The following MEP1A variants were observed in gnomAD, a reference collection of about 807,000 sequenced individuals.
The protein encoded by MEP1A is N-benzoyl-L-tyrosyl-P-amino-benzoic acid hydrolase subunit alpha.
Under a neutral mutation model 84.5 loss-of-function variants are expected in MEP1A, and 68 were observed. The ratio of observed to expected loss-of-function variants is 0.80; its 90% CI spans 0.66 to 0.98. The LOEUF (loss-of-function observed/expected upper bound fraction) is 0.98, where lower values mean the gene tolerates loss of function less well. MEP1A is among the 50% of genes least tolerant of loss of function. The pLI is 0.00. For synonymous variants in MEP1A, 337 were observed against 336.8 expected (o/e 1.00, Z -0.01); for missense variants, 887 against 919.9 (o/e 0.96, Z 0.46).
downstream of MEP1A, among the ~76,000 whole-genome samples, chr6:46,840,479 G>A (rs552006801): frequency 1.3e-5 from 2 of 152,138 alleles, no homozygotes; most frequent in Non-Finnish European, 2.9e-5. Flanking sequence ...TGCTGCTACT[G>A]CTACTGACTC....
At chr6:46,802,018 GA>G (rs1767206790) in intron 5 of MEP1A, among the ~76,000 whole-genome samples, 1 of 151,910 alleles carries the variant, frequency 6.6e-6, no homozygotes, top group Non-Finnish European at 1.5e-5. Context: ...AGTTAACCTT[GA>G]ATTGAGTGTT....
At chr6:46,802,755 G>A (rs1359957391) in intron 5 of MEP1A, among the ~76,000 whole-genome samples, 2 of 151,776 alleles carry the variant, frequency 1.3e-5, no homozygotes, top group Non-Finnish European at 3.0e-5. Context: ...AGTTGTTACA[G>A]TGTATCAAAT....
At position 46,834,228 on chromosome 6, in the gene MEP1A, T is replaced by A. The variant is rs77210031; in HGVS notation, c.1610-350T>A. Among the ~76,000 whole-genome samples, 8 of 139,044 alleles carry A rather than the reference T, an allele frequency of 5.8e-5. No homozygotes were observed. The South Asian group carries it at 6.4e-4, about 11-fold the overall frequency. The allele number at this position is 139,044 out of a possible 152,430, so 91.2% of individuals were successfully genotyped here. The stretch of plus-strand genomic sequence containing the variant: ...GTGAGCCACCACGCCTGGCACTAAT[T>A]TTTTTTTTTTTCAAAAGAGAAGACT... On this transcript the variant is annotated intron_variant, in intron 11 of 13. Coordinates refer to ENST00000230588, the MANE Select transcript of MEP1A (RefSeq NM_005588.3).
At chr6:46,830,513 G>A (rs1378821409) in intron 10 of MEP1A, among the ~76,000 whole-genome samples, 7 of 152,108 alleles carry the variant, frequency 4.6e-5, no homozygotes, top group Non-Finnish European at 1.0e-4. Context: ...AAGAAAGCCT[G>A]TCTCCCTTTT....
rs1767716741 is a variant in MEP1A at position 46,819,489 on chromosome 6, A to C, written c.381-40A>C. 2.6e-6 allele frequency: 4 copies of C among 1,540,028 alleles called. No homozygotes were observed. The East Asian group carries it at 9.1e-5, about 35-fold the overall frequency. On this transcript the variant is annotated intron_variant, in intron 6 of 13. Coordinates refer to ENST00000230588, the MANE Select transcript of MEP1A (RefSeq NM_005588.3). ...GTACTGTGAATGACAGCCACTTAAA[A>C]ATTCTCTAGAAGAAATTTTTCCTCT...
downstream of MEP1A, among the ~76,000 whole-genome samples, chr6:46,840,485 G>T (rs1191692830): frequency 6.6e-6 from 1 of 152,146 alleles, no homozygotes; most frequent in Non-Finnish European, 1.5e-5. Context: ...TACTGCTACT[G>T]ACTCCCCCAC....
At chr6:46,793,754 A>G (rs534925437) in intron 3 of MEP1A, 38 bp downstream of exon 3, 1 of 1,461,034 alleles carries the variant, frequency 6.8e-7, no homozygotes, top group African/African-American at 1.4e-5. Flanking sequence ...TCTTGAAATT[A>G]CTTGAAACCC....
intron 5 of MEP1A, among the ~76,000 whole-genome samples, chr6:46,809,033 A>G (rs1767427968): frequency 6.6e-6 from 1 of 151,992 alleles, no homozygotes; most frequent in Non-Finnish European, 1.5e-5. Flanking sequence ...CTCACAAGCC[A>G]CTTCTGTTTT....
Position 46,809,531 on chromosome 6 carries a change from T to C in MEP1A, c.374T>C (p.Phe125Ser), listed in dbSNP as rs1215796685. The C allele has an allele frequency of 1.3e-6, 2 of 1,588,948 alleles. No homozygotes were observed. Among genetic ancestry groups the C allele is most frequent in the Non-Finnish European group, 1.7e-6 (2 of 1,161,680 alleles). ...AGCTCATATATCATATTTCAACAGTTTGATGGGTTGGTATGAAATTTTACG... is the reference window on the plus strand; with the variant it reads ...AGCTCATATATCATATTTCAACAGTCTGATGGGTTGGTATGAAATTTTACG... ...GESSYIIFQQ[F>S]DGCWSEVGDQ... The change falls in exon 6 of 14, where the codon TTT (phenylalanine) becomes TCT (serine). Residue 125 changes from phenylalanine (F) to serine (S), a missense_variant. Phe to Ser is a radical substitution (Grantham distance 155). Coordinates refer to ENST00000230588, the MANE Select transcript of MEP1A (RefSeq NM_005588.3).
chr6:46,804,449 A>G (rs1175782920), intron 5 of MEP1A, among the ~76,000 whole-genome samples: 1 of 151,726 alleles, frequency 6.6e-6, no homozygotes, highest in Admixed American at 6.6e-5. Context: ...CTAAATTACA[A>G]TTAACAGTTT....
chr6:46,826,396 C>A lies in MEP1A; in HGVS notation c.821C>A (p.Ala274Glu). ...TLLDHCTFEK[A>E]NICGMIQGTR... Reference sequence around the variant, plus strand: ...TTGGACCACTGTACTTTTGAGAAGGCAAACATCTGTGGAATGATTCAGGGC... The same window carrying A: ...TTGGACCACTGTACTTTTGAGAAGGAAAACATCTGTGGAATGATTCAGGGC... The change falls in exon 9 of 14, where the codon GCA (alanine) becomes GAA (glutamate). Residue 274 changes from alanine (A) to glutamate (E), a missense_variant. Coordinates refer to ENST00000230588, the MANE Select transcript of MEP1A (RefSeq NM_005588.3). 1 of 1,609,948 alleles carries A rather than the reference C, an allele frequency of 6.2e-7. No homozygotes were observed. The highest frequency in any genetic ancestry group is 8.5e-7 in the Non-Finnish European group (1 of 1,178,008).
At chr6:46,800,602 G>T (rs1021861956) in intron 5 of MEP1A, among the ~76,000 whole-genome samples, 1 of 152,222 alleles carries the variant, frequency 6.6e-6, no homozygotes, top group South Asian at 2.1e-4. Flanking sequence ...CACCTTTAGT[G>T]TTAAAGTTCA....
Position 46,793,561 on chromosome 6 carries a change from C to G in MEP1A, c.79C>G (p.Leu27Val). 1 of 1,549,998 alleles carries G rather than the reference C, an allele frequency of 6.5e-7. No individual in the cohort carries two copies. Among genetic ancestry groups the G allele is most frequent in the Non-Finnish European group, 8.8e-7 (1 of 1,135,020 alleles). Residue 27 changes from leucine (L) to valine (V), a missense_variant, in exon 2 of 14, where the codon CTT becomes GTT. Transcript: ENST00000230588. Reference sequence around the variant, plus strand: ...TATTTATTTTTTTCAGATTAAGTATCTTCCTGAAGAAAATGGTAAGAATTA... The same window carrying G: ...TATTTATTTTTTTCAGATTAAGTATGTTCCTGAAGAAAATGGTAAGAATTA... The part of the protein sequence containing the change: ...AHIAAVPIKY[L>V]PEENVHDADF...
At chr6:46,821,572 T>G (rs1181043071) in intron 7 of MEP1A, among the ~76,000 whole-genome samples, 1 of 152,242 alleles carries the variant, frequency 6.6e-6, no homozygotes, top group African/African-American at 2.4e-5. Context: ...TATATTTGCC[T>G]GTAAGCCTCA....
intron 10 of MEP1A, among the ~76,000 whole-genome samples, chr6:46,829,877 G>T (rs1379760073): frequency 6.6e-6 from 1 of 152,072 alleles, no homozygotes; most frequent in Non-Finnish European, 1.5e-5. Context: ...GAAAGCAAAG[G>T]CCAAGACTGA....
chr6:46,796,698 G>A (rs1767057195), intron 3 of MEP1A, among the ~76,000 whole-genome samples: 2 of 152,306 alleles, frequency 1.3e-5, no homozygotes, highest in African/African-American at 2.4e-5. Context: ...CTCACTGGAT[G>A]TACACTTCTT....
intron 13 of MEP1A, among the ~76,000 whole-genome samples, chr6:46,836,774 C>T (rs1224087269): frequency 2.0e-5 from 3 of 147,934 alleles, no homozygotes; most frequent in Non-Finnish European, 4.4e-5. Context: ...TTGACACTTT[C>T]GAAGATTACT....
rs755741706 is a variant in MEP1A, at chr6:46,825,466, G to C, written c.751G>C (p.Glu251Gln). 1.2e-6 allele frequency: 2 copies of C among 1,613,236 alleles called. No homozygotes were observed. Among genetic ancestry groups the C allele is most frequent in the Admixed American group, 1.7e-5 (1 of 59,938 alleles). Residue 251 changes from glutamate (E) to glutamine (Q), a missense_variant, in exon 8 of 14, where the codon GAG becomes CAG. Glu to Gln is a conservative substitution (Grantham distance 29). Coordinates refer to ENST00000230588, the MANE Select transcript of MEP1A (RefSeq NM_005588.3). ...QRLDFSAIDL[E>Q]RLNRMYNCTT... ...CCTGGATTTCAGTGCCATTGATTTAGAGAGGCTGAACCGAATGTACAATTG... is the reference window on the plus strand; with the variant it reads ...CCTGGATTTCAGTGCCATTGATTTACAGAGGCTGAACCGAATGTACAATTG...
rs200021838 is a variant in MEP1A, at chr6:46,793,475, G to A, written c.69+8G>A. 1.2e-4 allele frequency: 201 copies of A among 1,610,214 alleles called. 1 individual carries two copies. The Middle Eastern group carries it at 1.5e-3, about 12-fold the overall frequency. ...CACATAGCAGCTGTACCGGTAAGTC[G>A]AGTCCTGCTTTTTGGATATTTAGAA... On this transcript the variant is annotated splice_region_variant and intron_variant, in intron 1 of 13. Transcript: ENST00000230588.
Sources: allele counts gnomAD v4.1 joint callset (sites outside exome capture counted in the v4.1 genomes callset), GRCh38; gene constraint gnomAD v4.1.1; transcripts MANE v1.5; gene names NCBI Gene and HGNC (gene_info 2026-07-23, HGNC 2026-07-21).